The following KCNT2 variants were observed in gnomAD, a reference collection of about 807,000 sequenced individuals.
KCNT2 encodes potassium sodium-activated channel subfamily T member 2.
A neutral mutation model predicts 153.8 loss-of-function variants in KCNT2; 67 were observed. The ratio of observed to expected loss-of-function variants is 0.44; its 90% CI spans 0.36 to 0.53. The LOEUF (loss-of-function observed/expected upper bound fraction) is 0.53, where lower values mean the gene tolerates loss of function less well. Ranked by LOEUF, KCNT2 falls within the 20% of genes least tolerant of loss-of-function variation. The pLI, the probability that KCNT2 is intolerant of heterozygous loss-of-function variation, is 0.00. For synonymous variants in KCNT2, 500 were observed against 458.8 expected (o/e 1.09, Z -1.15); for missense variants, 975 against 1,354.8 (o/e 0.72, Z 4.40).
In KCNT2 at chr1:196,290,839, T is replaced by A. The variant is rs147317055; in HGVS notation, c.2596-5081A>T. On this transcript the variant is annotated intron_variant, in intron 22 of 27. Coordinates refer to ENST00000294725, the MANE Select transcript of KCNT2 (RefSeq NM_198503.5). ...CTCTTTCCCTTTTCCCCATAATGTC[T>A]CTTTTCAGATAAATACAGAAATTTC... 8.4e-4 allele frequency among the ~76,000 whole-genome samples: 128 copies of A among 152,174 alleles called. 2 individuals carry two copies. The East Asian group carries it at 0.022, about 27-fold the overall frequency.
chr1:196,378,359 T>C (rs1669150754), intron 13 of KCNT2, among the ~76,000 whole-genome samples: 3 of 152,156 alleles, frequency 2.0e-5, no homozygotes, highest in South Asian at 2.1e-4. Context: ...ATTGCTAGAT[T>C]ATTAGGAGCC....
intron 14 of KCNT2, among the ~76,000 whole-genome samples, 199 bp downstream of exon 14, chr1:196,372,941 C>T (rs1453838131): frequency 2.6e-5 from 4 of 151,822 alleles, no homozygotes; most frequent in African/African-American, 9.7e-5. Flanking sequence ...GAAAAGACAG[C>T]AAATTACTCA....
At chr1:196,555,811 CCA>C (rs1658574738) in intron 1 of KCNT2, among the ~76,000 whole-genome samples, 4 of 151,038 alleles carry the variant, frequency 2.6e-5, no homozygotes, top group African/African-American at 7.3e-5. Context: ...GACACACAGA[CCA>C]ATGGAAAACA....
intron 8 of KCNT2, among the ~76,000 whole-genome samples, chr1:196,444,096 A>G (rs1352166066): frequency 6.6e-6 from 1 of 150,988 alleles, no homozygotes; most frequent in Non-Finnish European, 1.5e-5. Context: ...CAAAAAACAT[A>G]AGAGAGAGAG....
At chr1:196,230,324 A>G (rs2102213615) in intron 27 of KCNT2, among the ~76,000 whole-genome samples, 1 of 152,178 alleles carries the variant, frequency 6.6e-6, no homozygotes, top group East Asian at 1.9e-4. Context: ...CCTGACTGGC[A>G]GCAAATCTGT....
At chr1:196,231,782 C>T (rs1478943207) in intron 27 of KCNT2, among the ~76,000 whole-genome samples, 1 of 151,628 alleles carries the variant, frequency 6.6e-6, no homozygotes, top group Non-Finnish European at 1.5e-5. Flanking sequence ...TAATGAATGA[C>T]CTTAAGTTTC....
At chr1:196,529,619 T>G (rs927895633) in intron 1 of KCNT2, among the ~76,000 whole-genome samples, 2 of 152,152 alleles carry the variant, frequency 1.3e-5, no homozygotes, top group Non-Finnish European at 2.9e-5. Flanking sequence ...GATGTAAACA[T>G]TTCAGCTTCA....
intron 25 of KCNT2, among the ~76,000 whole-genome samples, chr1:196,277,128 T>G (rs1191309315): frequency 6.6e-6 from 1 of 152,200 alleles, no homozygotes; most frequent in African/African-American, 2.4e-5. Context: ...TATCTTTTCT[T>G]TACTCATTGT....
At chr1:196,525,529 A>G (rs780575047) in intron 1 of KCNT2, among the ~76,000 whole-genome samples, 2 of 152,210 alleles carry the variant, frequency 1.3e-5, no homozygotes, top group Non-Finnish European at 2.9e-5. Context: ...GCTGTCTGTG[A>G]GTTCAATGTT....
At chr1:196,273,630 C>A in intron 25 of KCNT2, 2 of 571,118 alleles carry the variant, frequency 3.5e-6, no homozygotes, top group South Asian at 4.6e-5. Context: ...GCATATTTCT[C>A]GTATGGCTTT....
rs1673799671 is a variant in KCNT2, at chr1:196,427,963, T to A, written c.984+142A>T. The A allele has an allele frequency of 7.2e-6, 4 of 553,078 alleles. No homozygotes were observed. In the South Asian group the frequency reaches 1.3e-4, roughly 18 times the overall value. The allele number at this position is 553,078 out of a possible 1,614,324, so 34.3% of individuals were successfully genotyped here. On this transcript the variant is annotated intron_variant, in intron 10 of 27. Transcript: ENST00000294725. ...TTTTTTCTATGTTCCTGGTTATATT[T>A]GTGGTTCTTCATTTACTCCTTCTAT...
chr1:196,384,709 A>G (rs1299257082), intron 13 of KCNT2, among the ~76,000 whole-genome samples: 1 of 2,842 alleles, frequency 3.5e-4, no homozygotes, highest in Non-Finnish European at 6.3e-3. Flanking sequence ...CCCATCTCCA[A>G]AAAAAAAAAA....
chr1:196,323,964 T>TAAA (rs202104374), intron 19 of KCNT2, among the ~76,000 whole-genome samples: 2 of 137,476 alleles, frequency 1.5e-5, no homozygotes, highest in East Asian at 2.1e-4. Flanking sequence ...ATCTAATTGT[T>TAAA]AAAAAAAAAA....
At chr1:196,491,362 T>C (rs1261873037) in intron 2 of KCNT2, among the ~76,000 whole-genome samples, 1 of 151,994 alleles carries the variant, frequency 6.6e-6, no homozygotes, top group African/African-American at 2.4e-5. Flanking sequence ...TATTGAAATA[T>C]TCCATATCAT....
At chr1:196,238,047 ACTAGAAAAT>A (rs1654600325) in intron 26 of KCNT2, among the ~76,000 whole-genome samples, 1 of 151,876 alleles carries the variant, frequency 6.6e-6, no homozygotes, top group African/African-American at 2.4e-5. Context: ...TAAGAGGTGG[ACTAGAAAAT>A]CTACATCTTA....
At chr1:196,591,102 T>C (rs565386175) in intron 1 of KCNT2, among the ~76,000 whole-genome samples, 9 of 152,172 alleles carry the variant, frequency 5.9e-5, no homozygotes, top group Admixed American at 5.2e-4. Flanking sequence ...GTGGGGCTAA[T>C]GGGAGGTGTT....
chr1:196,572,534 T>A (rs4562566), intron 1 of KCNT2, among the ~76,000 whole-genome samples: 118,259 of 151,988 alleles, frequency 0.78, 49,549 homozygotes, highest in East Asian at 0.97. Context: ...AAGAGAGAAC[T>A]GCATACGTTT....
At chr1:196,402,403 A>T (rs1244414194) in intron 12 of KCNT2, among the ~76,000 whole-genome samples, 1 of 151,618 alleles carries the variant, frequency 6.6e-6, no homozygotes, top group Non-Finnish European at 1.5e-5. Context: ...CATAAGAGAC[A>T]GTAGAAAAGG....
chr1:196,348,879 A>G (rs1329905364), intron 14 of KCNT2, among the ~76,000 whole-genome samples: 1 of 151,934 alleles, frequency 6.6e-6, no homozygotes, highest in African/African-American at 2.4e-5. Flanking sequence ...TACAAAACAA[A>G]ACAAAACAAA....
Sources: gnomAD v4.1 joint callset for allele counts (sites outside exome capture counted in the v4.1 genomes callset) on GRCh38, gnomAD v4.1.1 for gene constraint, MANE v1.5 for transcripts, NCBI Gene and HGNC (gene_info 2026-07-23, HGNC 2026-07-21) for gene names.